Variants in IRAK1BP1 observed in about 807,000 individuals in gnomAD.
The protein encoded by IRAK1BP1 is interleukin-1 receptor-associated kinase 1-binding protein 1.
In IRAK1BP1, 24 loss-of-function variants were observed where a neutral mutation model predicts 28.0. The observed-to-expected ratio is 0.86, with a 90% confidence interval of 0.62 to 1.20. The LOEUF (loss-of-function observed/expected upper bound fraction) is 1.20, where lower values mean the gene tolerates loss of function less well. Ranked by LOEUF, IRAK1BP1 falls within the 50% of genes most tolerant of loss-of-function variation. The pLI is 0.00. For synonymous variants in IRAK1BP1, 131 were observed against 116.3 expected (o/e 1.13, Z -0.81); for missense variants, 336 against 316.7 (o/e 1.06, Z -0.46).
the IRAK1BP1 span, chr6:78,969,990 A>C: frequency 6.3e-7 from 1 of 1,597,112 alleles, no homozygotes; most frequent in Non-Finnish European, 8.6e-7. Flanking sequence ...AATGTATCTG[A>C]ATCTTGAAAA....
chr6:78,961,934 T>C, the IRAK1BP1 span: 2 of 697,906 alleles, frequency 2.9e-6, no homozygotes, highest in Non-Finnish European at 4.7e-6. Flanking sequence ...CCACTGTCTT[T>C]TCATAAACAA....
At chr6:78,921,365 C>T (rs1772721086) in intron 4 of IRAK1BP1, among the ~76,000 whole-genome samples, 1 of 152,222 alleles carries the variant, frequency 6.6e-6, no homozygotes. Flanking sequence ...AAGGCCGCGG[C>T]AAGGCTGGGG....
chr6:78,948,437 G>C (rs903032298), downstream of IRAK1BP1, among the ~76,000 whole-genome samples: 16 of 152,116 alleles, frequency 1.1e-4, no homozygotes, highest in African/African-American at 3.9e-4. Context: ...TCATAATATG[G>C]TATATAATTC....
At chr6:78,878,739 G>C (rs747373583) in intron 1 of IRAK1BP1, among the ~76,000 whole-genome samples, 1 of 152,156 alleles carries the variant, frequency 6.6e-6, no homozygotes, top group Non-Finnish European at 1.5e-5. Flanking sequence ...TTGCAAAGAA[G>C]CTAAAAACCT....
chr6:78,945,005 A>T (rs956317852), intron 4 of IRAK1BP1, among the ~76,000 whole-genome samples: 18 of 152,324 alleles, frequency 1.2e-4, no homozygotes, highest in Middle Eastern at 3.4e-3. Context: ...AATTACTTAA[A>T]CATTTTTCTA....
chr6:78,966,122 A>T, the IRAK1BP1 span: 1 of 994,614 alleles, frequency 1.0e-6, no homozygotes, highest in South Asian at 1.3e-5. Flanking sequence ...CTTTTTCCTA[A>T]CGTTAACCTT....
chr6:78,909,649 C>A (rs973882409), intron 4 of IRAK1BP1, among the ~76,000 whole-genome samples: 1 of 152,160 alleles, frequency 6.6e-6, no homozygotes, highest in African/African-American at 2.4e-5. Flanking sequence ...GCTCCAGCAA[C>A]AATAAAAAGT....
chr6:78,930,944 A>G (rs1476395107), intron 4 of IRAK1BP1, among the ~76,000 whole-genome samples: 1 of 98,042 alleles, frequency 1.0e-5, no homozygotes, highest in Non-Finnish European at 2.0e-5. Flanking sequence ...CATAAATAAA[A>G]ATAAAAAATA....
chr6:78,875,803 C>T (rs1770981557), intron 1 of IRAK1BP1, among the ~76,000 whole-genome samples: 1 of 152,092 alleles, frequency 6.6e-6, no homozygotes, highest in South Asian at 2.1e-4. Context: ...GTACCCCACA[C>T]CTCAGCATCA....
chr6:78,884,716 C>G (rs540025631), intron 1 of IRAK1BP1, among the ~76,000 whole-genome samples: 1 of 151,924 alleles, frequency 6.6e-6, no homozygotes, highest in Non-Finnish European at 1.5e-5. Flanking sequence ...AGTAACTTGC[C>G]CAGAGTTGCA....
At chr6:78,892,709 G>A (rs1373243009) in intron 2 of IRAK1BP1, among the ~76,000 whole-genome samples, 1 of 152,056 alleles carries the variant, frequency 6.6e-6, no homozygotes, top group Non-Finnish European at 1.5e-5. Flanking sequence ...AAGTTAAGGA[G>A]GGATGTGCAA....
At chr6:78,916,632 A>G (rs554195081) in intron 4 of IRAK1BP1, among the ~76,000 whole-genome samples, 12 of 152,240 alleles carry the variant, frequency 7.9e-5, no homozygotes, top group Non-Finnish European at 1.6e-4. Context: ...TATTGTTACT[A>G]TCAATGAGTT....
intron 4 of IRAK1BP1, chr6:78,937,779 G>A (rs1773330228): frequency 6.6e-6 from 1 of 151,690 alleles, no homozygotes; most frequent in South Asian, 2.1e-4. Context: ...ATTGCCCAGG[G>A]CTGTGAGTCT....
At chr6:78,904,034 G>T (rs143052016), downstream of IRAK1BP1, among the ~76,000 whole-genome samples, 657 of 152,270 alleles carry the variant, frequency 4.3e-3, 4 homozygotes, top group African/African-American at 0.015. Context: ...AAAAAAGTTG[G>T]CTGTGAGGTA....
Position 78,903,034 on chromosome 6 carries a change from T to A in IRAK1BP1, c.*4700T>A. 6.5e-7 allele frequency: 1 copy of A among 1,533,116 alleles called. No homozygotes were observed. The highest frequency in any genetic ancestry group is 8.7e-7 in the Non-Finnish European group (1 of 1,144,404). The allele number at this position is 1,533,116 out of a possible 1,614,324, so 95.0% of individuals were successfully genotyped here. ...CTTCAACATCCCAACCAACAATTAC[T>A]CCCAGATAGCCATGTCACCTGTGAA... On this transcript the variant is annotated 3_prime_UTR_variant, in exon 4 of 4. Coordinates refer to ENST00000369940, the MANE Select transcript of IRAK1BP1 (RefSeq NM_001010844.4).
chr6:78,955,656 G>T, the IRAK1BP1 span: 1 of 1,088,340 alleles, frequency 9.2e-7, no homozygotes, highest in Non-Finnish European at 1.4e-6. Context: ...ATTATAAAGT[G>T]GAATTATGTT....
At chr6:78,978,686 T>C in the IRAK1BP1 span, 2 of 1,595,798 alleles carry the variant, frequency 1.3e-6, no homozygotes, top group Non-Finnish European at 1.7e-6. Context: ...CAAACCATTT[T>C]CAGTTAGTTC....
At chr6:78,890,179 C>G (rs1470990281) in intron 2 of IRAK1BP1, among the ~76,000 whole-genome samples, 4 of 147,872 alleles carry the variant, frequency 2.7e-5, no homozygotes, top group African/African-American at 1.0e-4. Flanking sequence ...AACAGGAAAT[C>G]AAACACCGCA....
chr6:78,970,571 A>G, the IRAK1BP1 span, among the ~76,000 whole-genome samples: 3 of 152,142 alleles, frequency 2.0e-5, no homozygotes, highest in Non-Finnish European at 4.4e-5. Context: ...TACCCAACCC[A>G]TAAACTGCAT....
Sources: gnomAD v4.1 joint callset for allele counts (sites outside exome capture counted in the v4.1 genomes callset) on GRCh38, gnomAD v4.1.1 for gene constraint, MANE v1.5 for transcripts, NCBI Gene and HGNC (gene_info 2026-07-23, HGNC 2026-07-21) for gene names.